Variants in PIK3R1 observed in about 807,000 individuals in gnomAD.
PIK3R1 encodes the protein phosphoinositide-3-kinase regulatory subunit 1.
Under a neutral mutation model 98.0 loss-of-function variants are expected in PIK3R1, and 29 were observed. The observed-to-expected ratio is 0.30, with a 90% CI of 0.22 to 0.40. The LOEUF is 0.40. PIK3R1 is among the 10% of genes least tolerant of loss of function. PIK3R1 has a pLI of 1.00. For synonymous variants in PIK3R1, 282 were observed against 311.8 expected, an observed-to-expected ratio of 0.90 and a Z score of 1.01; for missense variants, 596 against 872.7, an observed-to-expected ratio of 0.68 and a Z score of 3.99.
intron 2 of PIK3R1, among the ~76,000 whole-genome samples, chr5:68,253,739 T>G (rs1241867807): frequency 6.6e-6 from 1 of 152,212 alleles, no homozygotes; most frequent in Non-Finnish European, 1.5e-5. Context: ...GCTTGGGGAT[T>G]GGCGAAATCT....
Position 68,284,707 on chromosome 5 carries a change from G to A in PIK3R1, c.916+3701G>A, listed in dbSNP as rs186432351. The stretch of plus-strand genomic sequence containing the variant: ...GCTTAATTACATTTCTAAAGGGTAG[G>A]GGTAAAGGCTTTTTCTCCTTTTGAG... On this transcript the variant is annotated intron_variant, in intron 7 of 15. Transcript: ENST00000521381. Among the ~76,000 whole-genome samples, 206 of 152,258 alleles carry A rather than the reference G, an allele frequency of 1.4e-3. 2 individuals carry two copies. Among genetic ancestry groups the A allele is most frequent in the Non-Finnish European group, 1.1e-3 (74 of 68,020 alleles).
chr5:68,284,546 T>C (rs1319239012), intron 7 of PIK3R1, among the ~76,000 whole-genome samples: 1 of 152,234 alleles, frequency 6.6e-6, no homozygotes, highest in African/African-American at 2.4e-5. Context: ...CCCCAAGCAG[T>C]GCCATCCACT....
chr5:68,217,021 G>C (rs1216629755), intron 1 of PIK3R1, among the ~76,000 whole-genome samples: 1 of 152,214 alleles, frequency 6.6e-6, no homozygotes, highest in Non-Finnish European at 1.5e-5. Context: ...AATCCCTTGA[G>C]CTGCAGCGCT....
intron 2 of PIK3R1, among the ~76,000 whole-genome samples, chr5:68,247,801 A>G (rs1482672360): frequency 1.3e-5 from 2 of 152,086 alleles, no homozygotes; most frequent in African/African-American, 2.4e-5. Context: ...TTTCCTGCCC[A>G]ACGGGACAGG....
In PIK3R1 at chr5:68,281,015, T is replaced by G. The variant is rs200046946; in HGVS notation, c.916+9T>G. On this transcript the variant is annotated intron_variant, in intron 7 of 15. Coordinates refer to ENST00000521381, the MANE Select transcript of PIK3R1 (RefSeq NM_181523.3). ...ACGACAGCCTGCACCAGGTAATGCTTTTTGAGCATTTAACATTCTCTCATT... is the reference window on the plus strand; with the variant it reads ...ACGACAGCCTGCACCAGGTAATGCTGTTTGAGCATTTAACATTCTCTCATT... The G allele has an allele frequency of 2.7e-5, 42 of 1,562,568 alleles. No individual in the cohort carries two copies. The East Asian group carries it at 9.4e-4, about 35-fold the overall frequency.
chr5:68,226,836 G>A lies in PIK3R1; in HGVS notation c.161G>A (p.Gly54Asp), dbSNP rs1343380312. 3.1e-6 allele frequency: 5 copies of A among 1,614,068 alleles called. No individual in the cohort carries two copies. The highest frequency in any genetic ancestry group is 1.7e-6 in the Non-Finnish European group (2 of 1,180,008). The change falls in exon 2 of 16, where the codon GGC becomes GAC. Residue 54 changes from glycine to aspartate, a missense_variant. By Grantham distance (94) the Gly-to-Asp change is moderately conservative. Coordinates refer to ENST00000521381, the MANE Select transcript of PIK3R1 (RefSeq NM_181523.3). Reference protein sequence around the residue: ...DGQEARPEEIGWLNGYNETTG... With the variant: ...DGQEARPEEIDWLNGYNETTG... ...CAGGAAGCCAGGCCTGAAGAAATTG[G>A]CTGGTTAAATGGCTATAATGAAACC... is the stretch of plus-strand genomic sequence containing the variant.
intron 7 of PIK3R1, among the ~76,000 whole-genome samples, chr5:68,284,418 G>T (rs1000606027): frequency 6.6e-6 from 1 of 152,198 alleles, no homozygotes; most frequent in African/African-American, 2.4e-5. Flanking sequence ...GAGGGAGAAA[G>T]GTGCCTTTGT....
chr5:68,232,853 T>G (rs933417079), intron 2 of PIK3R1, among the ~76,000 whole-genome samples: 1 of 152,218 alleles, frequency 6.6e-6, no homozygotes, highest in Non-Finnish European at 1.5e-5. Context: ...CTGATTCAAA[T>G]AGGAGTTATT....
At chr5:68,242,963 C>T (rs1580191924) in intron 2 of PIK3R1, among the ~76,000 whole-genome samples, 2 of 151,918 alleles carry the variant, frequency 1.3e-5, no homozygotes, top group East Asian at 1.9e-4. Flanking sequence ...CAGTGCTCTA[C>T]AAGTATAGAA....
rs575150982 is a variant in PIK3R1, at chr5:68,280,541, C to G, written c.648C>G (p.Ser216=). The G allele has an allele frequency of 2.5e-6, 4 of 1,607,958 alleles. No homozygotes were observed. Among genetic ancestry groups the G allele is most frequent in the African/African-American group, 2.7e-5 (2 of 74,488 alleles). ...TTAAACTTGTAGAAGTACAAAGCTC[C>G]GAAGAATATATTCAGCTATTGAAGA... is the stretch of plus-strand genomic sequence containing the variant. ...MISLAPEVQS[S]EEYIQLLKKL... is the part of the protein sequence containing the mutation. Residue 216 remains serine, a synonymous_variant, in exon 6 of 16, where the codon TCC becomes TCG. Transcript: ENST00000521381.
intron 2 of PIK3R1, chr5:68,239,764 C>A: frequency 2.3e-6 from 1 of 442,436 alleles, no homozygotes. Flanking sequence ...AGGCAGATGA[C>A]TCCCTGGCTT....
At chr5:68,271,526 T>C (rs1349468029) in intron 2 of PIK3R1, among the ~76,000 whole-genome samples, 1 of 152,220 alleles carries the variant, frequency 6.6e-6, no homozygotes, top group African/African-American at 2.4e-5. Context: ...AGTAAGACTA[T>C]ACTCTCTAAT....
intron 2 of PIK3R1, among the ~76,000 whole-genome samples, chr5:68,230,408 G>A (rs927941815): frequency 6.6e-6 from 1 of 152,228 alleles, no homozygotes; most frequent in African/African-American, 2.4e-5. Flanking sequence ...AGGTGCTGCT[G>A]CAGCTCATCC....
rs904552392 is a variant in PIK3R1, at chr5:68,215,958, G to C, written c.-387+9G>C. 1.4e-4 allele frequency: 21 copies of C among 153,392 alleles called. No individual in the cohort carries two copies. The highest frequency in any genetic ancestry group is 4.6e-4 in the African/African-American group (19 of 41,566). 9.5% of individuals were successfully genotyped at this position (153,392 alleles called of 1,614,324 possible). A position where few individuals can be genotyped will look rare whatever the true frequency, so the allele number is the denominator to read the frequency against. ...GGAAGCCGGCGGGCGGGGTAGGTAG[G>C]CAGCAGCAGCCCCGGGTGTGTGTGC... On this transcript the variant is annotated intron_variant, in intron 1 of 15. Coordinates refer to ENST00000521381, the MANE Select transcript of PIK3R1 (RefSeq NM_181523.3).
At chr5:68,258,310 A>C (rs1235929614) in intron 2 of PIK3R1, among the ~76,000 whole-genome samples, 1 of 152,204 alleles carries the variant, frequency 6.6e-6, no homozygotes, top group Non-Finnish European at 1.5e-5. Flanking sequence ...GGATTCATTA[A>C]ACTGCATGTT....
In PIK3R1 at chr5:68,226,933, A is replaced by C; in HGVS notation, c.258A>C (p.Thr86=). ...GAAGGAAAAAAATCTCGCCTCCCAC[A>C]CCAAAGCCCCGGCCACCTCGGCCTC... ...YIGRKKISPP[T]PKPRPPRPLP... is the part of the protein sequence containing the mutation. Residue 86 remains threonine, a synonymous_variant, in exon 2 of 16, where the codon ACA becomes ACC. Transcript: ENST00000521381. 2 of 1,614,134 alleles carry C rather than the reference A, an allele frequency of 1.2e-6. No homozygotes were observed. Among genetic ancestry groups the C allele is most frequent in the Non-Finnish European group, 1.7e-6 (2 of 1,180,002 alleles).
chr5:68,262,300 C>T (rs990454165), intron 2 of PIK3R1, among the ~76,000 whole-genome samples: 1 of 151,058 alleles, frequency 6.6e-6, no homozygotes, highest in Non-Finnish European at 1.5e-5. Flanking sequence ...AGAATTCACT[C>T]ATTACTCAAA....
At chr5:68,266,584 A>G (rs1372653449) in intron 2 of PIK3R1, among the ~76,000 whole-genome samples, 1 of 152,230 alleles carries the variant, frequency 6.6e-6, no homozygotes, top group African/African-American at 2.4e-5. Context: ...ATTGACCATC[A>G]GATATCTGTG....
At chr5:68,252,390 G>A (rs1013299990) in intron 2 of PIK3R1, among the ~76,000 whole-genome samples, 8 of 152,054 alleles carry the variant, frequency 5.3e-5, no homozygotes, top group Non-Finnish European at 8.8e-5. Context: ...AAAAAGTGGG[G>A]GGATCAGATG....
Sources: allele counts gnomAD v4.1 joint callset (sites outside exome capture counted in the v4.1 genomes callset), GRCh38; gene constraint gnomAD v4.1.1; transcripts MANE v1.5; gene names NCBI Gene and HGNC (gene_info 2026-07-23, HGNC 2026-07-21).